TMEM132B: variants seen among roughly 807,000 people sequenced by gnomAD.
TMEM132B encodes transmembrane protein 132B.
A neutral mutation model predicts 90.8 loss-of-function variants in TMEM132B; 18 were observed. The ratio of observed to expected loss-of-function variants is 0.20; its 90% CI spans 0.14 to 0.29. The LOEUF is 0.29. Ranked by LOEUF, TMEM132B falls within the 10% of genes least tolerant of loss-of-function variation. The probability of loss-of-function intolerance (pLI) is 1.00; values close to 1 mark genes in which losing one functional copy is unlikely to be tolerated. For missense variants in TMEM132B, 1,096 were observed against 1,326.8 expected, an observed-to-expected ratio of 0.83 and a Z score of 2.70; for synonymous variants, 504 against 523.3, an observed-to-expected ratio of 0.96 and a Z score of 0.50.
intron 2 of TMEM132B, among the ~76,000 whole-genome samples, chr12:125,393,012 C>T (rs1879071119): frequency 6.6e-6 from 1 of 152,154 alleles, no homozygotes; most frequent in Non-Finnish European, 1.5e-5. Flanking sequence ...ACAAGGGCTC[C>T]AACACCAAGT....
In TMEM132B at chr12:125,659,010, C is replaced by T. The variant is rs1274814240; in HGVS notation, c.*4300C>T. 2.0e-5 allele frequency: 3 copies of T among 152,056 alleles called. No individual in the cohort carries two copies. Among genetic ancestry groups the T allele is most frequent in the Admixed American group, 1.3e-4 (2 of 15,262 alleles). 9.4% of individuals were successfully genotyped at this position (152,056 alleles called of 1,614,324 possible). A position where few individuals can be genotyped will look rare whatever the true frequency, so the allele number is the denominator to read the frequency against. ...ATATTCTAACCACAGGGTAACACAT[C>T]GTTTTTAACATGAAAATAAACATTT... On this transcript the variant is annotated 3_prime_UTR_variant, in exon 9 of 9. Transcript: ENST00000682704.
intron 4 of TMEM132B, among the ~76,000 whole-genome samples, chr12:125,580,841 C>T (rs969016789): frequency 6.6e-6 from 1 of 152,152 alleles, no homozygotes; most frequent in South Asian, 2.1e-4. Flanking sequence ...AGGCATGAAA[C>T]CTAGAACTCA....
At chr12:125,590,374 A>G (rs919406755) in intron 5 of TMEM132B, among the ~76,000 whole-genome samples, 18 of 152,356 alleles carry the variant, frequency 1.2e-4, no homozygotes, top group African/African-American at 4.3e-4. Context: ...TCTGGAACAC[A>G]GTAAATATTT....
chr12:125,563,046 A>G (rs939482747), intron 4 of TMEM132B, among the ~76,000 whole-genome samples: 1 of 151,918 alleles, frequency 6.6e-6, no homozygotes, highest in Non-Finnish European at 1.5e-5. Context: ...CAGAACACAC[A>G]CACTGTTAAG....
At chr12:125,231,237 G>GTGTGTGTA (rs1555233006) in intron 1 of TMEM132B, among the ~76,000 whole-genome samples, 10 of 148,710 alleles carry the variant, frequency 6.7e-5, no homozygotes, top group African/African-American at 2.5e-4. Flanking sequence ...GTGTGTGTGT[G>GTGTGTGTA]TATATCTGTG....
intron 1 of TMEM132B, among the ~76,000 whole-genome samples, chr12:125,268,603 G>A (rs975973942): frequency 2.6e-5 from 4 of 152,166 alleles, no homozygotes; most frequent in Non-Finnish European, 4.4e-5. Flanking sequence ...AAAAGAAAAA[G>A]TAATATAGTG....
intron 2 of TMEM132B, among the ~76,000 whole-genome samples, chr12:125,395,155 C>G (rs1456412567): frequency 6.6e-6 from 1 of 152,182 alleles, no homozygotes; most frequent in South Asian, 2.1e-4. Context: ...GTTGAGAAGT[C>G]TTCATGGACA....
At chr12:125,197,869 C>T (rs1354617905) in intron 1 of TMEM132B, among the ~76,000 whole-genome samples, 1 of 152,184 alleles carries the variant, frequency 6.6e-6, no homozygotes, top group African/African-American at 2.4e-5. Context: ...TTGCCATCAA[C>T]TTAGTAATGC....
At chr12:125,592,206 T>C (rs903961210) in intron 5 of TMEM132B, among the ~76,000 whole-genome samples, 1 of 152,230 alleles carries the variant, frequency 6.6e-6, no homozygotes, top group East Asian at 1.9e-4. Flanking sequence ...CAGGATGGCT[T>C]CATGTTTTCA....
chr12:125,223,216 TGAG>T (rs1873600350), intron 1 of TMEM132B, among the ~76,000 whole-genome samples: 1 of 152,200 alleles, frequency 6.6e-6, no homozygotes, highest in South Asian at 2.1e-4. Context: ...GAGATGACCT[TGAG>T]GAAGTTGATG....
In TMEM132B at chr12:125,494,473, G is replaced by A. The variant is rs527520263; in HGVS notation, c.1107-24966G>A. 2.3e-3 allele frequency among the ~76,000 whole-genome samples: 224 copies of A among 99,206 alleles called. 1 individual carries two copies. Among genetic ancestry groups the A allele is most frequent in the African/African-American group, 8.1e-3 (199 of 24,568 alleles). The allele number at this position is 99,206 out of a possible 152,430, so 65.1% of individuals were successfully genotyped here. A position where few individuals can be genotyped will look rare whatever the true frequency, so the allele number is the denominator to read the frequency against. On this transcript the variant is annotated intron_variant, in intron 3 of 8. Transcript: ENST00000682704. Reference sequence around the variant, plus strand: ...CCCCCTCCTCCCCAAAAATGGATGCGTCCCTCCTCCCCCTCTTCCCTGGAA... The same window carrying A: ...CCCCCTCCTCCCCAAAAATGGATGCATCCCTCCTCCCCCTCTTCCCTGGAA...
intron 2 of TMEM132B, among the ~76,000 whole-genome samples, chr12:125,402,594 A>G (rs942965417): frequency 6.6e-6 from 1 of 152,164 alleles, no homozygotes; most frequent in Non-Finnish European, 1.5e-5. Flanking sequence ...TTTGCAATGG[A>G]TTTGCATTGC....
chr12:125,395,490 A>G (rs1248253836), intron 2 of TMEM132B, among the ~76,000 whole-genome samples: 1 of 152,192 alleles, frequency 6.6e-6, no homozygotes, highest in Admixed American at 6.5e-5. Context: ...CCTTTATTTA[A>G]TATTTGCTCT....
At chr12:125,355,730 T>C (rs777590505) in intron 2 of TMEM132B, among the ~76,000 whole-genome samples, 1 of 152,166 alleles carries the variant, frequency 6.6e-6, no homozygotes, top group South Asian at 2.1e-4. Context: ...CTGGCTTAGG[T>C]GAGGACCCAG....
chr12:125,537,035 T>C (rs1883821948), intron 4 of TMEM132B, among the ~76,000 whole-genome samples: 1 of 152,188 alleles, frequency 6.6e-6, no homozygotes, highest in Non-Finnish European at 1.5e-5. Context: ...GGAAACATTG[T>C]TGATTATCTA....
rs576946993 is a variant in TMEM132B at position 125,210,748 on chromosome 12, G to C, written c.67+23882G>C. On this transcript the variant is annotated intron_variant, in intron 1 of 8. Transcript: ENST00000682704. Reference sequence around the variant, plus strand: ...GGAGGCCGAGGTGGGCAGATCGCTTGAGTCCAGGAGTTTGAGGCCAGCCTG... The same window carrying C: ...GGAGGCCGAGGTGGGCAGATCGCTTCAGTCCAGGAGTTTGAGGCCAGCCTG... Among the ~76,000 whole-genome samples the C allele has an allele frequency of 1.1e-4, 17 of 152,324 alleles. 1 individual carries two copies. Among genetic ancestry groups the C allele is most frequent in the African/African-American group, 3.4e-4 (14 of 41,566 alleles).
At chr12:125,365,077 A>C (rs1878085393) in intron 2 of TMEM132B, among the ~76,000 whole-genome samples, 1 of 151,472 alleles carries the variant, frequency 6.6e-6, no homozygotes. Context: ...TTACCACTTT[A>C]TTATTTGGTT....
intron 3 of TMEM132B, among the ~76,000 whole-genome samples, chr12:125,419,960 G>A (rs868370331): frequency 2.0e-5 from 3 of 152,322 alleles, no homozygotes; most frequent in East Asian, 1.9e-4. Context: ...CTTTGACTCC[G>A]TGTCTCACGT....
intron 2 of TMEM132B, among the ~76,000 whole-genome samples, chr12:125,393,319 G>A (rs890619400): frequency 6.6e-6 from 1 of 152,166 alleles, no homozygotes; most frequent in Non-Finnish European, 1.5e-5. Context: ...CATTTCTACT[G>A]TTATGGGTCT....
Sources: allele counts gnomAD v4.1 joint callset (sites outside exome capture counted in the v4.1 genomes callset), GRCh38; gene constraint gnomAD v4.1.1; transcripts MANE v1.5; gene names NCBI Gene and HGNC (gene_info 2026-07-23, HGNC 2026-07-21).